The following FOXP2 variants were observed in gnomAD, a reference collection of about 807,000 sequenced individuals.
FOXP2 encodes the protein forkhead box P2.
A neutral mutation model predicts 115.8 loss-of-function variants in FOXP2; 12 were observed. The ratio of observed to expected loss-of-function variants is 0.10; its 90% CI spans 0.07 to 0.17. The LOEUF (loss-of-function observed/expected upper bound fraction) is 0.17. Ranked by LOEUF, FOXP2 falls within the 10% of genes least tolerant of loss-of-function variation. The pLI, the probability that FOXP2 is intolerant of heterozygous loss-of-function variation, is 1.00. For synonymous variants in FOXP2, 328 were observed against 297.7 expected (o/e 1.10, Z -1.05); for missense variants, 629 against 843.5 (o/e 0.75, Z 3.15).
rs576546336 is a variant in FOXP2 at position 114,380,357 on chromosome 7, TATTA to T, written c.-10-46144_-10-46141del. The stretch of plus-strand genomic sequence containing the variant: ...CTAATTCTAGTGCCCGAGTGAGGGC[TATTA>T]GTTTTGCCAGCTGAGCACTAGTTCC... On this transcript the variant is annotated intron_variant, in intron 2 of 17. Coordinates refer to the FOXP2 transcript ENST00000634411. Among the ~76,000 whole-genome samples the T allele has an allele frequency of 2.6e-4, 39 of 152,318 alleles. No homozygotes were observed. The East Asian group carries it at 7.2e-3, about 28-fold the overall frequency.
At chr7:114,183,734 G>A (rs1456580690) in intron 1 of FOXP2, among the ~76,000 whole-genome samples, 1 of 152,140 alleles carries the variant, frequency 6.6e-6, no homozygotes, top group Non-Finnish European at 1.5e-5. Context: ...TTTTGGCAAA[G>A]TATGTCAACA....
At chr7:114,267,756 TAA>T (rs1795928798) in intron 1 of FOXP2, among the ~76,000 whole-genome samples, 1 of 145,190 alleles carries the variant, frequency 6.9e-6, no homozygotes, top group African/African-American at 2.6e-5. Context: ...AATAAATAAA[TAA>T]ATAAATAAAT....
chr7:114,103,241 C>T (rs1270539957), intron 1 of FOXP2, among the ~76,000 whole-genome samples: 1 of 151,872 alleles, frequency 6.6e-6, no homozygotes, highest in Non-Finnish European at 1.5e-5. Flanking sequence ...CATGGGTAGC[C>T]CATTGGCCCA....
At chr7:114,224,375 A>G (rs896785494) in intron 1 of FOXP2, among the ~76,000 whole-genome samples, 1 of 152,126 alleles carries the variant, frequency 6.6e-6, no homozygotes, top group Non-Finnish European at 1.5e-5. Flanking sequence ...AGTGATATTG[A>G]GTCTTCCTAT....
At chr7:114,643,178 G>A (rs912559677) in intron 7 of FOXP2, among the ~76,000 whole-genome samples, 22 of 152,078 alleles carry the variant, frequency 1.4e-4, no homozygotes, top group African/African-American at 5.1e-4. Context: ...TTGGGAGTTT[G>A]CCTGAAGAAA....
At chr7:114,590,652 G>A (rs542275031) in intron 3 of FOXP2, among the ~76,000 whole-genome samples, 13 of 152,084 alleles carry the variant, frequency 8.5e-5, no homozygotes, top group Non-Finnish European at 1.6e-4. Context: ...AAATTTTGTG[G>A]CAATAGAACA....
At chr7:114,407,064 CAG>C (rs1793053568) in intron 2 of FOXP2, among the ~76,000 whole-genome samples, 1 of 151,848 alleles carries the variant, frequency 6.6e-6, no homozygotes, top group South Asian at 2.1e-4. Context: ...GAGGAAAAGA[CAG>C]AGCTGAAGGC....
intron 3 of FOXP2, among the ~76,000 whole-genome samples, chr7:114,542,808 T>G (rs1248516156): frequency 2.8e-5 from 4 of 144,146 alleles, no homozygotes; most frequent in Non-Finnish European, 6.0e-5. Context: ...TTTTTTTTTT[T>G]GAGGCAGAAT....
At chr7:114,314,507 C>A (rs571418120) in intron 2 of FOXP2, among the ~76,000 whole-genome samples, 5 of 151,926 alleles carry the variant, frequency 3.3e-5, no homozygotes, top group Admixed American at 6.6e-5. Flanking sequence ...TCACATAGTT[C>A]AATTGGATGA....
chr7:114,141,653 C>A (rs1028023039), intron 1 of FOXP2, among the ~76,000 whole-genome samples: 10 of 152,150 alleles, frequency 6.6e-5, no homozygotes, highest in African/African-American at 2.2e-4. Context: ...CAAGGTAACC[C>A]AAGTTGCTCT....
chr7:114,579,320 A>G (rs1192474259), intron 3 of FOXP2, among the ~76,000 whole-genome samples: 1 of 152,142 alleles, frequency 6.6e-6, no homozygotes, highest in Non-Finnish European at 1.5e-5. Context: ...ATAACATAAA[A>G]TTTTTATCCC....
At chr7:114,577,746 A>G (rs1801648783) in intron 3 of FOXP2, among the ~76,000 whole-genome samples, 1 of 151,898 alleles carries the variant, frequency 6.6e-6, no homozygotes, top group African/African-American at 2.4e-5. Flanking sequence ...CAGACTACAT[A>G]TGTTATATAT....
At chr7:114,198,937 G>A (rs915557220) in intron 1 of FOXP2, among the ~76,000 whole-genome samples, 7 of 152,100 alleles carry the variant, frequency 4.6e-5, no homozygotes, top group South Asian at 2.1e-4. Context: ...CCTCTTTTTC[G>A]GGTCCTCTTT....
intron 1 of FOXP2, among the ~76,000 whole-genome samples, chr7:114,185,015 G>A (rs1429507387): frequency 6.6e-6 from 1 of 152,094 alleles, no homozygotes; most frequent in Non-Finnish European, 1.5e-5. Context: ...TTACCAAAAT[G>A]TACTACTTCT....
At chr7:114,367,654 T>C (rs1455600453) in intron 2 of FOXP2, among the ~76,000 whole-genome samples, 1 of 152,128 alleles carries the variant, frequency 6.6e-6, no homozygotes, top group East Asian at 1.9e-4. Flanking sequence ...CCATTTCCCC[T>C]GAACCCTAAG....
At chr7:114,424,138 G>T (rs745550313) in intron 1 of FOXP2, among the ~76,000 whole-genome samples, 13 of 151,424 alleles carry the variant, frequency 8.6e-5, no homozygotes, top group South Asian at 2.1e-4. Context: ...GTCTTTCTTC[G>T]TAATTGTAAT....
rs1033186148 is a variant in FOXP2, at chr7:114,515,642, C to A, written c.169-18975C>A. 6.9e-3 allele frequency among the ~76,000 whole-genome samples: 1,051 copies of A among 151,688 alleles called. 10 individuals carry two copies. Among genetic ancestry groups the A allele is most frequent in the African/African-American group, 0.024 (998 of 41,294 alleles). On this transcript the variant is annotated intron_variant, in intron 2 of 16. Transcript: ENST00000350908. Reference sequence around the variant, plus strand: ...AGCCCTTTGTCAGATGAGTAGGTTGCGAAAATTTTCTCCCATTTTGTGGGT... The same window carrying A: ...AGCCCTTTGTCAGATGAGTAGGTTGAGAAAATTTTCTCCCATTTTGTGGGT...
chr7:114,159,500 A>AGG (rs1013156306), upstream of FOXP2, among the ~76,000 whole-genome samples: 1 of 38,210 alleles, frequency 2.6e-5, no homozygotes, highest in Non-Finnish European at 9.2e-5. Context: ...AGTAATGAAA[A>AGG]AGAAAAAAAC....
At chr7:114,232,061 AT>A (rs1211486772) in intron 1 of FOXP2, among the ~76,000 whole-genome samples, 4 of 152,198 alleles carry the variant, frequency 2.6e-5, no homozygotes, top group Non-Finnish European at 4.4e-5. Flanking sequence ...TTGAATCTAC[AT>A]TTCTCCAAAG....
Sources: gnomAD v4.1 joint callset for allele counts (sites outside exome capture counted in the v4.1 genomes callset) on GRCh38, gnomAD v4.1.1 for gene constraint, MANE v1.5 for transcripts, NCBI Gene and HGNC (gene_info 2026-07-23, HGNC 2026-07-21) for gene names.